The following POLK variants were observed in gnomAD, a reference collection of about 807,000 sequenced individuals.
POLK encodes DNA polymerase kappa.
Under a neutral mutation model 94.0 loss-of-function variants are expected in POLK, and 76 were observed. The ratio of observed to expected loss-of-function variants is 0.81; its 90% CI spans 0.67 to 0.98. POLK has a LOEUF of 0.98. POLK is among the 50% of genes least tolerant of loss of function. The pLI is 0.00. For synonymous variants in POLK, 349 were observed against 325.4 expected, an observed-to-expected ratio of 1.07 and a Z score of -0.78; for missense variants, 954 against 1,010.1, an observed-to-expected ratio of 0.94 and a Z score of 0.75.
chr5:75,537,099 C>T (rs1252677194), intron 1 of POLK, among the ~76,000 whole-genome samples: 5 of 152,234 alleles, frequency 3.3e-5, no homozygotes, highest in African/African-American at 1.2e-4. Flanking sequence ...GAGCCCCATC[C>T]AGCAAGGAGT....
chr5:75,594,344 G>A lies in POLK; in HGVS notation c.1528+295G>A, dbSNP rs144915383. Among the ~76,000 whole-genome samples, 117 of 152,216 alleles carry A rather than the reference G, an allele frequency of 7.7e-4. No homozygotes were observed. In the East Asian group the frequency reaches 0.02, roughly 26 times the overall value. On this transcript the variant is annotated intron_variant, in intron 12 of 14. Coordinates refer to ENST00000241436, the Ensembl canonical transcript of POLK. ...TAACTCAATGAGCACCTGTATTCTC[G>A]CCTTCATTTTATTTCTTAAACCTGT...
exon 15 of POLK, chr5:75,599,826 G>A (rs1298509380): frequency 1.3e-5 from 2 of 152,074 alleles, no homozygotes; most frequent in African/African-American, 2.4e-5. Context: ...ATCTAATAGA[G>A]ATGGTTTTCT....
intron 5 of POLK, 27 bp from the exon 6 acceptor site, chr5:75,576,753 T>G (rs1771896510): frequency 1.4e-6 from 2 of 1,386,756 alleles, no homozygotes; most frequent in African/African-American, 2.9e-5. Flanking sequence ...ACAGCAAAAT[T>G]TAAACTTTTT....
At chr5:75,550,944 AGGTACAGT>A (rs1770305267) in intron 2 of POLK, among the ~76,000 whole-genome samples, 1 of 152,172 alleles carries the variant, frequency 6.6e-6, no homozygotes, top group South Asian at 2.1e-4. Context: ...TAAAAGGGCC[AGGTACAGT>A]GGCTCACACC....
downstream of POLK, among the ~76,000 whole-genome samples, chr5:75,602,927 T>G: frequency 6.6e-6 from 1 of 152,062 alleles, no homozygotes; most frequent in East Asian, 1.9e-4. Context: ...ATGGGACTTG[T>G]GGTATCCGCA....
intron 2 of POLK, among the ~76,000 whole-genome samples, chr5:75,551,858 C>T (rs1299356653): frequency 6.6e-6 from 1 of 152,170 alleles, no homozygotes; most frequent in East Asian, 1.9e-4. Context: ...AGAAACCCTA[C>T]TCCTAGTTAC....
chr5:75,519,353 CTGTT>C (rs1191862543), intron 1 of POLK, among the ~76,000 whole-genome samples: 1 of 152,142 alleles, frequency 6.6e-6, no homozygotes, highest in African/African-American at 2.4e-5. Context: ...AAAAGATTGT[CTGTT>C]CTGCAGCAGT....
chr5:75,531,944 G>C (rs1285327535), intron 1 of POLK, among the ~76,000 whole-genome samples: 2 of 152,154 alleles, frequency 1.3e-5, no homozygotes, highest in Non-Finnish European at 2.9e-5. Flanking sequence ...TTGACTAGAG[G>C]AGGATCCACT....
exon 13 of POLK, chr5:75,597,055 A>G (rs927661811): frequency 6.2e-7 from 1 of 1,613,422 alleles, no homozygotes; most frequent in African/African-American, 1.3e-5. Context: ...AGAACAAAAG[A>G]CTTCAGATCT....
Position 75,528,133 on chromosome 5 carries a change from G to C in POLK, c.-14+16219G>C, listed in dbSNP as rs145029131. On this transcript the variant is annotated intron_variant, in intron 1 of 14. Transcript: ENST00000241436. ...AGTTTTAAATAAAGAAAACAGACTA[G>C]AAAACAATATGTAGGATGAAATCTA... is the stretch of plus-strand genomic sequence containing the variant. 2.1e-3 allele frequency among the ~76,000 whole-genome samples: 316 copies of C among 152,022 alleles called. 1 individual carries two copies. The East Asian group carries it at 0.027, about 13-fold the overall frequency.
At chr5:75,553,596 A>G (rs139721382) in intron 3 of POLK, among the ~76,000 whole-genome samples, 400 of 152,270 alleles carry the variant, frequency 2.6e-3, no homozygotes, top group Non-Finnish European at 3.9e-3. Flanking sequence ...GTGTGGAGGT[A>G]CCATAATTTA....
intron 6 of POLK, among the ~76,000 whole-genome samples, chr5:75,577,321 T>C (rs773553843): frequency 6.6e-6 from 1 of 152,164 alleles, no homozygotes; most frequent in Non-Finnish European, 1.5e-5. Flanking sequence ...TATCAAAACA[T>C]TGGATGATTC....
At chr5:75,576,805 A>G (rs111689950) in exon 6 of POLK, 1 of 1,524,190 alleles carries the variant, frequency 6.6e-7, no homozygotes, top group Non-Finnish European at 8.8e-7. Flanking sequence ...GCTGATTATG[A>G]TCCCAATTTT....
intron 9 of POLK, among the ~76,000 whole-genome samples, chr5:75,585,452 T>C (rs773948591): frequency 1.3e-5 from 2 of 152,034 alleles, no homozygotes; most frequent in African/African-American, 2.4e-5. Context: ...GTGTGAGAGA[T>C]AGAAAATAAC....
chr5:75,588,698 T>C (rs1368627452), intron 10 of POLK, among the ~76,000 whole-genome samples: 1 of 152,244 alleles, frequency 6.6e-6, no homozygotes, highest in Non-Finnish European at 1.5e-5. Flanking sequence ...AAAGTTAATG[T>C]GTTGGTAGAG....
chr5:75,521,178 G>A (rs947996563), intron 1 of POLK, among the ~76,000 whole-genome samples: 6 of 151,856 alleles, frequency 4.0e-5, no homozygotes, highest in Non-Finnish European at 8.8e-5. Flanking sequence ...TTATTTTTTT[G>A]AATAAACTTT....
At chr5:75,532,221 C>T (rs1312099765) in intron 1 of POLK, among the ~76,000 whole-genome samples, 1 of 152,114 alleles carries the variant, frequency 6.6e-6, no homozygotes, top group Non-Finnish European at 1.5e-5. Context: ...TGTAGTTTTT[C>T]AATCCTCTCC....
upstream of POLK, chr5:75,511,228 G>A (rs1428868993): frequency 6.2e-7 from 1 of 1,611,632 alleles, no homozygotes; most frequent in South Asian, 1.1e-5. Flanking sequence ...CAACCGAGCA[G>A]GAGACCGGCC....
intron 3 of POLK, among the ~76,000 whole-genome samples, chr5:75,559,505 GTTTTTT>G (rs1561371144): frequency 8.6e-5 from 6 of 70,078 alleles, no homozygotes; most frequent in African/African-American, 1.9e-4. Context: ...TTTGGGGTTT[GTTTTTT>G]TGTTTTGTTT....
Sources: allele counts gnomAD v4.1 joint callset (sites outside exome capture counted in the v4.1 genomes callset), GRCh38; gene constraint gnomAD v4.1.1; transcripts MANE v1.5; gene names NCBI Gene and HGNC (gene_info 2026-07-23, HGNC 2026-07-21).